EMCN: variants seen among roughly 807,000 people sequenced by gnomAD.
EMCN encodes the protein endomucin.
In EMCN, 37 loss-of-function variants were observed where a neutral mutation model predicts 38.4. The observed-to-expected ratio is 0.96, with a 90% CI of 0.74 to 1.27. The LOEUF (loss-of-function observed/expected upper bound fraction) is 1.27, where lower values mean the gene tolerates loss of function less well. EMCN is among the 50% of genes most tolerant of loss of function. The pLI is 0.00. For missense variants in EMCN, 318 were observed against 302.8 expected (o/e 1.05, Z -0.37); for synonymous variants, 95 against 100.8 (o/e 0.94, Z 0.35).
At chr4:100,405,679 A>G (rs1313482836) in intron 11 of EMCN, among the ~76,000 whole-genome samples, 1 of 152,044 alleles carries the variant, frequency 6.6e-6, no homozygotes, top group African/African-American at 2.4e-5. Context: ...ATTGGCCTGA[A>G]GTTTTCTTTG....
chr4:100,420,880 G>T (rs1012044128), intron 8 of EMCN, among the ~76,000 whole-genome samples: 9 of 151,914 alleles, frequency 5.9e-5, no homozygotes, highest in Non-Finnish European at 1.2e-4. Context: ...TTAGTCACGG[G>T]ACATTTTTTG....
At chr4:100,398,905 G>T (rs1726182403) in intron 11 of EMCN, among the ~76,000 whole-genome samples, 1 of 152,050 alleles carries the variant, frequency 6.6e-6, no homozygotes, top group Admixed American at 6.6e-5. Context: ...AACACACACT[G>T]GTGTATATCA....
At chr4:100,409,788 C>A (rs1726498594) in intron 11 of EMCN, among the ~76,000 whole-genome samples, 1 of 152,180 alleles carries the variant, frequency 6.6e-6, no homozygotes, top group South Asian at 2.1e-4. Flanking sequence ...GGCAATTAGA[C>A]CCTTCAACTA....
chr4:100,423,929 G>T (rs1726971670), intron 5 of EMCN, among the ~76,000 whole-genome samples: 1 of 152,020 alleles, frequency 6.6e-6, no homozygotes, highest in South Asian at 2.1e-4. Flanking sequence ...CATCCCTAAA[G>T]TTCAGCAGCT....
chr4:100,469,249 A>T (rs1728407637), intron 3 of EMCN, among the ~76,000 whole-genome samples: 1 of 152,092 alleles, frequency 6.6e-6, no homozygotes, highest in African/African-American at 2.4e-5. Flanking sequence ...TGGATAAAAG[A>T]CCTAAATGTA....
intron 6 of EMCN, 85 bp from the exon 7 acceptor site, chr4:100,423,165 G>A (rs1726941388): frequency 3.5e-6 from 5 of 1,424,966 alleles, no homozygotes; most frequent in African/African-American, 1.4e-5. Flanking sequence ...TAAGGAAACA[G>A]CCATGATTTG....
At chr4:100,413,419 A>T (rs1726621801) in intron 10 of EMCN, among the ~76,000 whole-genome samples, 1 of 152,292 alleles carries the variant, frequency 6.6e-6, no homozygotes, top group East Asian at 1.9e-4. Context: ...AGGCAAGAGA[A>T]GTTACTTAAA....
At chr4:100,428,527 G>A (rs1727114607) in intron 5 of EMCN, among the ~76,000 whole-genome samples, 1 of 152,010 alleles carries the variant, frequency 6.6e-6, no homozygotes, top group Admixed American at 6.6e-5. Context: ...TTCCCTGCTA[G>A]AATATAAGAA....
intron 8 of EMCN, 82 bp from the exon 9 acceptor site, chr4:100,417,223 C>T: frequency 8.7e-7 from 1 of 1,152,442 alleles, no homozygotes; most frequent in Admixed American, 1.8e-5. Flanking sequence ...ACCCCCTCAC[C>T]TGCTGTCCAC....
chr4:100,409,955 G>T (rs1726503387), intron 11 of EMCN, among the ~76,000 whole-genome samples: 1 of 152,218 alleles, frequency 6.6e-6, no homozygotes, highest in South Asian at 2.1e-4. Flanking sequence ...ACAGAAGCCT[G>T]TCTAAGTGCC....
intron 4 of EMCN, among the ~76,000 whole-genome samples, chr4:100,448,847 C>G (rs1330892341): frequency 1.3e-5 from 2 of 150,340 alleles, no homozygotes; most frequent in African/African-American, 2.5e-5. Context: ...TCCCTCCCTT[C>G]CTTGCTTTCT....
At chr4:100,399,514 A>G (rs941486786) in intron 11 of EMCN, among the ~76,000 whole-genome samples, 4 of 152,174 alleles carry the variant, frequency 2.6e-5, no homozygotes, top group African/African-American at 9.6e-5. Flanking sequence ...AGCTACAGGT[A>G]TCCATGTCAA....
chr4:100,475,607 T>C (rs1276433261), intron 2 of EMCN, among the ~76,000 whole-genome samples: 1 of 150,496 alleles, frequency 6.6e-6, no homozygotes, highest in Non-Finnish European at 1.5e-5. Context: ...CCCTATTAAT[T>C]TGTGTGCCCT....
intron 8 of EMCN, among the ~76,000 whole-genome samples, chr4:100,420,882 C>T (rs1484100654): frequency 1.3e-5 from 2 of 151,914 alleles, no homozygotes; most frequent in African/African-American, 4.8e-5. Flanking sequence ...AGTCACGGGA[C>T]ATTTTTTGAG....
chr4:100,489,492 A>G (rs1729022995), intron 1 of EMCN, among the ~76,000 whole-genome samples: 1 of 152,198 alleles, frequency 6.6e-6, no homozygotes, highest in Non-Finnish European at 1.5e-5. Context: ...CAAGAGCAAG[A>G]TGATAAAGGA....
chr4:100,507,206 T>C (rs954459468), intron 1 of EMCN, among the ~76,000 whole-genome samples: 6 of 152,168 alleles, frequency 3.9e-5, no homozygotes, highest in African/African-American at 1.2e-4. Context: ...GCAATTGATA[T>C]GATTTTATAA....
chr4:100,499,998 A>G (rs189142483), intron 1 of EMCN, among the ~76,000 whole-genome samples: 1 of 152,314 alleles, frequency 6.6e-6, no homozygotes, highest in Admixed American at 6.5e-5. Flanking sequence ...TTAAAAGTGT[A>G]AAGTATATCT....
chr4:100,408,029 A>C (rs1485525214), intron 11 of EMCN, among the ~76,000 whole-genome samples: 1 of 152,128 alleles, frequency 6.6e-6, no homozygotes, highest in Non-Finnish European at 1.5e-5. Context: ...TAATACTTCC[A>C]ATGTGTTATG....
At chr4:100,502,995 T>G (rs1284008594) in intron 1 of EMCN, among the ~76,000 whole-genome samples, 1 of 152,156 alleles carries the variant, frequency 6.6e-6, no homozygotes, top group Non-Finnish European at 1.5e-5. Flanking sequence ...CATAATGGGA[T>G]TGGTCTATAC....
Sources: gnomAD v4.1 joint callset for allele counts (sites outside exome capture counted in the v4.1 genomes callset) on GRCh38, gnomAD v4.1.1 for gene constraint, MANE v1.5 for transcripts, NCBI Gene and HGNC (gene_info 2026-07-23, HGNC 2026-07-21) for gene names.